The following PSD variants were observed in gnomAD, a reference collection of about 807,000 sequenced individuals.
PSD encodes the protein PH and SEC7 domain-containing protein 1.
A neutral mutation model predicts 91.6 loss-of-function variants in PSD; 32 were observed. The observed-to-expected ratio is 0.35, with a 90% confidence interval of 0.26 to 0.47. The LOEUF is 0.47. Ranked by LOEUF, PSD falls within the 20% of genes least tolerant of loss-of-function variation. PSD has a pLI of 1.00. For synonymous variants in PSD, 532 were observed against 569.3 expected, an observed-to-expected ratio of 0.93 and a Z score of 0.93; for missense variants, 1,099 against 1,373.9, an observed-to-expected ratio of 0.80 and a Z score of 3.16.
rs537366056 is a variant in PSD, at chr10:102,414,069, G to T, written c.1253C>A (p.Thr418Asn). ...CAGCGAGGCGAGGCTGGTATAGGAGGTGCCTTTGGCCCGGTGTGACTCCAG... is the reference window on the plus strand; with the variant it reads ...CAGCGAGGCGAGGCTGGTATAGGAGTTGCCTTTGGCCCGGTGTGACTCCAG... ...AILESHRAKG[T>N]SYTSLASLEA... Residue 418 changes from threonine (T) to asparagine (N), a missense_variant, in exon 5 of 17, where the codon ACC becomes AAC. Thr to Asn is a moderately conservative substitution (Grantham distance 65). Around this residue, in one of 3 missense-constraint regions of PSD, gnomAD observed 631 missense variants for 728.8 expected, o/e 0.87. Transcript: ENST00000020673. The surrounding 1 kb of genome is among the most constrained non-coding windows in gnomAD (Gnocchi z 5.6). 11 of 1,614,138 alleles carry T rather than the reference G, an allele frequency of 6.8e-6. 1 individual carries two copies. The South Asian group carries it at 1.2e-4, about 18-fold the overall frequency.
rs1021839530 is a variant in PSD at position 102,414,273 on chromosome 10, C to G, written c.1125-76G>C. 1.1e-5 allele frequency: 14 copies of G among 1,314,990 alleles called. No individual in the cohort carries two copies. Among genetic ancestry groups the G allele is most frequent in the Non-Finnish European group, 1.5e-5 (14 of 945,854 alleles). The allele number at this position is 1,314,990 out of a possible 1,614,324, so 81.5% of individuals were successfully genotyped here. A position where few individuals can be genotyped will look rare whatever the true frequency, so the allele number is the denominator to read the frequency against. On this transcript the variant is annotated intron_variant, in intron 4 of 16. Transcript: ENST00000020673. This position sits in a 1 kb window ranked among gnomAD's most constrained non-coding sequence, Gnocchi z 5.6. ...GGCAGGATTTCACTGAACTCTCACA[C>G]TGACTCTGCTAAGGGGATTATCATC...
rs200656520 is a variant in PSD at position 102,405,336 on chromosome 10, G to A, written c.2326+10C>T. 319 of 1,608,706 alleles carry A rather than the reference G, an allele frequency of 2.0e-4. 1 individual carries two copies. The highest frequency in any genetic ancestry group is 8.7e-4 in the South Asian group (79 of 91,034). ...CCTAGACGCCCGCCCCCCGCAACTC[G>A]GCCACATACTCTTCCTGCAGTCAGG... On this transcript the variant is annotated intron_variant, in intron 12 of 16. Coordinates refer to ENST00000020673, the MANE Select transcript of PSD (RefSeq NM_002779.5). This position sits in a 1 kb window ranked among gnomAD's most constrained non-coding sequence, Gnocchi z 5.4.
Position 102,403,926 on chromosome 10 carries a change from C to T in PSD, c.2760G>A (p.Glu920=), listed in dbSNP as rs1319297496. 6.3e-7 allele frequency: 1 copy of T among 1,589,968 alleles called. No homozygotes were observed. The highest frequency in any genetic ancestry group is 1.3e-5 in the African/African-American group (1 of 74,712). Reference sequence around the variant, plus strand: ...TCTTGCCCAGCTGGGCGGCCCGGTGCTCCCGCAGCTCACTTGCCATGGCCT... The same window carrying T: ...TCTTGCCCAGCTGGGCGGCCCGGTGTTCCCGCAGCTCACTTGCCATGGCCT... ...KLKAMASELR[E]HRAAQLGKKG... The change falls in exon 16 of 17, where the codon GAG becomes GAA. Residue 920 remains glutamate, a synonymous_variant. Coordinates refer to ENST00000020673, the MANE Select transcript of PSD (RefSeq NM_002779.5). The surrounding 1 kb of genome is among the most constrained non-coding windows in gnomAD (Gnocchi z 6.7).
At position 102,409,345 on chromosome 10, in the gene PSD, G is replaced by T; in HGVS notation, c.2091+1513C>A. On this transcript the variant is annotated intron_variant, in intron 10 of 16. Transcript: ENST00000020673. The surrounding 1 kb of genome is among the most constrained non-coding windows in gnomAD (Gnocchi z 5.7). ...AGGGCGAGGGCTGGGGGCGGGGACC[G>T]CATGAAATGGAGGCGCCCGATCGCG... 1 of 985,198 alleles carries T rather than the reference G, an allele frequency of 1.0e-6. No homozygotes were observed. The highest frequency in any genetic ancestry group is 1.2e-6 in the Non-Finnish European group (1 of 829,638). 61.0% of individuals were successfully genotyped at this position (985,198 alleles called of 1,614,324 possible). A position where few individuals can be genotyped will look rare whatever the true frequency, so the allele number is the denominator to read the frequency against.
rs2061407294 is a variant in PSD, at chr10:102,409,937, A to C, written c.2091+921T>G. Among the ~76,000 whole-genome samples, 1 of 152,164 alleles carries C rather than the reference A, an allele frequency of 6.6e-6. No homozygotes were observed. The highest frequency in any genetic ancestry group is 2.4e-5 in the African/African-American group (1 of 41,418). Reference sequence around the variant, plus strand: ...CTCTGAATCGTAAGCCCTAAAGCACAAACACACCAAGCCATACAAACCCTT... The same window carrying C: ...CTCTGAATCGTAAGCCCTAAAGCACCAACACACCAAGCCATACAAACCCTT... On this transcript the variant is annotated intron_variant, in intron 10 of 16. Transcript: ENST00000020673. The surrounding 1 kb of genome is among the most constrained non-coding windows in gnomAD (Gnocchi z 5.7).
Position 102,412,483 on chromosome 10 carries a change from T to C in PSD, c.1646A>G (p.Asn549Ser), listed in dbSNP as rs774140650. The stretch of plus-strand genomic sequence containing the variant: ...AGCCTCCAGGTCCGCTTTCTGCCCA[T>C]TGGACAAGGTGTCTGTGCTTCCCAG... ...LALGSTDTLS[N>S]GQKADLEAAQ... The change falls in exon 6 of 17, where the codon AAT becomes AGT. Residue 549 changes from asparagine to serine, a missense_variant. By Grantham distance (46) the Asn-to-Ser change is conservative. Around this residue, in one of 3 missense-constraint regions of PSD, gnomAD observed 110 missense variants for 218.7 expected, o/e 0.50. Coordinates refer to ENST00000020673, the MANE Select transcript of PSD (RefSeq NM_002779.5). 6.2e-7 allele frequency: 1 copy of C among 1,613,972 alleles called. No individual in the cohort carries two copies. The highest frequency in any genetic ancestry group is 1.3e-5 in the African/African-American group (1 of 74,918).
At chr10:102,406,508 CTT>C (rs1192531225) in intron 11 of PSD, among the ~76,000 whole-genome samples, 10 of 140,074 alleles carry the variant, frequency 7.1e-5, no homozygotes, top group Admixed American at 1.4e-4. Flanking sequence ...TTTCTTTTTT[CTT>C]TTTTTTTTTT....
chr10:102,411,349 C>T (rs2135456292), intron 8 of PSD, among the ~76,000 whole-genome samples: 1 of 152,100 alleles, frequency 6.6e-6, no homozygotes, highest in South Asian at 2.1e-4. Flanking sequence ...TACTAGTTGC[C>T]CCAACGTTCC....
At chr10:102,406,462 C>G (rs1439300663) in intron 11 of PSD, among the ~76,000 whole-genome samples, 2 of 152,070 alleles carry the variant, frequency 1.3e-5, no homozygotes, top group Non-Finnish European at 2.9e-5. Flanking sequence ...GACTAGAAGA[C>G]TAGACTCTTC....
chr10:102,415,473 T>TATTC (rs1388834984), intron 3 of PSD, among the ~76,000 whole-genome samples: 1 of 152,180 alleles, frequency 6.6e-6, no homozygotes, highest in Non-Finnish European at 1.5e-5. Flanking sequence ...CTTTTTTATT[T>TATTC]ATTTATTTAT....
At position 102,410,788 on chromosome 10, in the gene PSD, C is replaced by A. The variant is rs926308766; in HGVS notation, c.2091+70G>T. On this transcript the variant is annotated intron_variant, in intron 10 of 16. Coordinates refer to ENST00000020673, the MANE Select transcript of PSD (RefSeq NM_002779.5). This position sits in a 1 kb window ranked among gnomAD's most constrained non-coding sequence, Gnocchi z 6.0. ...CCCCAGCCCTGCCCTCCCTCCGACT[C>A]TGGACTCCGTCGCCGACTGGGTCCT... is the stretch of plus-strand genomic sequence containing the variant. The A allele has an allele frequency of 5.8e-6, 7 of 1,216,114 alleles. No individual in the cohort carries two copies. The African/African-American group carries it at 8.9e-5, about 16-fold the overall frequency. The allele number at this position is 1,216,114 out of a possible 1,614,324, so 75.3% of individuals were successfully genotyped here.
rs1424934181 is a variant in PSD at position 102,409,040 on chromosome 10, G to A, written c.2092-1774C>T. 3 of 986,106 alleles carry A rather than the reference G, an allele frequency of 3.0e-6. No homozygotes were observed. The highest frequency in any genetic ancestry group is 3.6e-6 in the Non-Finnish European group (3 of 829,988). 61.1% of individuals were successfully genotyped at this position (986,106 alleles called of 1,614,324 possible). A position where few individuals can be genotyped will look rare whatever the true frequency, so the allele number is the denominator to read the frequency against. ...GCGCCCGTAGCGCACGGAGCACAGC[G>A]AGCGCGAGCGCAGCCGCCCGGCGCT... On this transcript the variant is annotated intron_variant, in intron 10 of 16. Transcript: ENST00000020673. This position sits in a 1 kb window ranked among gnomAD's most constrained non-coding sequence, Gnocchi z 5.7.
In PSD at chr10:102,409,198, G is replaced by A; in HGVS notation, c.2091+1660C>T. The A allele has an allele frequency of 1.0e-6, 1 of 981,988 alleles. No individual in the cohort carries two copies. Among genetic ancestry groups the A allele is most frequent in the Non-Finnish European group, 1.2e-6 (1 of 828,670 alleles). The allele number at this position is 981,988 out of a possible 1,614,324, so 60.8% of individuals were successfully genotyped here. Reference sequence around the variant, plus strand: ...ACCGCTCCCCCGACAGCCAGCGCGAGCGGCGCGGCCCGGCCCGAGCCGGCC... The same window carrying A: ...ACCGCTCCCCCGACAGCCAGCGCGAACGGCGCGGCCCGGCCCGAGCCGGCC... On this transcript the variant is annotated intron_variant, in intron 10 of 16. Transcript: ENST00000020673. This position sits in a 1 kb window ranked among gnomAD's most constrained non-coding sequence, Gnocchi z 5.7.
upstream of PSD, chr10:102,418,814 T>TCC: frequency 7.7e-6 from 2 of 258,126 alleles, no homozygotes; most frequent in Non-Finnish European, 1.5e-5. Context: ...TCTCAGTCCC[T>TCC]CCCCCTACCC....
chr10:102,405,389 C>A lies in PSD; in HGVS notation c.2283G>T (p.Gly761=), dbSNP rs137901601. 1.2e-6 allele frequency: 2 copies of A among 1,613,740 alleles called. No homozygotes were observed. The highest frequency in any genetic ancestry group is 1.7e-6 in the Non-Finnish European group (2 of 1,180,016). ...CTGCGTGCACCTTTCGCACCAGGGCCCCGTGCTTGTAGACGGCAGCCCCAG... is the reference window on the plus strand; with the variant it reads ...CTGCGTGCACCTTTCGCACCAGGGCACCGTGCTTGTAGACGGCAGCCCCAG... The part of the protein sequence containing the change: ...PEPGAAVYKH[G]ALVRKVHADP... The change falls in exon 12 of 17, where the codon GGG becomes GGT. Residue 761 remains glycine, a synonymous_variant. Transcript: ENST00000020673. The surrounding 1 kb of genome is among the most constrained non-coding windows in gnomAD (Gnocchi z 5.4).
At position 102,404,604 on chromosome 10, in the gene PSD, G is replaced by A. The variant is rs377143886; in HGVS notation, c.2679C>T (p.Ser893=). The A allele has an allele frequency of 1.6e-5, 26 of 1,610,532 alleles. No individual in the cohort carries two copies. Among genetic ancestry groups the A allele is most frequent in the Middle Eastern group, 1.6e-4 (1 of 6,072 alleles). Reference sequence around the variant, plus strand: ...CTACCTGGGAGAGGCGGGTGGCAGCGCTGGGCAGGAGAGGGCGGCTGAACT... The same window carrying A: ...CTACCTGGGAGAGGCGGGTGGCAGCACTGGGCAGGAGAGGGCGGCTGAACT... ...QKKFSRPLLP[S]AATRLSQEEQ... is the part of the protein sequence containing the mutation. The change falls in exon 15 of 17, where the codon AGC becomes AGT. Residue 893 remains serine, a synonymous_variant. Coordinates refer to ENST00000020673, the MANE Select transcript of PSD (RefSeq NM_002779.5). This position sits in a 1 kb window ranked among gnomAD's most constrained non-coding sequence, Gnocchi z 5.7.
chr10:102,408,885 A>T, intron 10 of PSD: 1 of 986,842 alleles, frequency 1.0e-6, no homozygotes, highest in Non-Finnish European at 1.2e-6. Flanking sequence ...CGCGGCCCCA[A>T]CGCCCTCACC....
chr10:102,408,346 G>A (rs1014550566), intron 10 of PSD, among the ~76,000 whole-genome samples: 8 of 152,168 alleles, frequency 5.3e-5, no homozygotes, highest in African/African-American at 1.7e-4. Context: ...AGGCAAACCA[G>A]GCATCCCAAC....
Position 102,417,022 on chromosome 10 carries a change from A to T in PSD, c.17T>A (p.Met6Lys). 6.5e-7 allele frequency: 1 copy of T among 1,549,062 alleles called. No individual in the cohort carries two copies. The highest frequency in any genetic ancestry group is 8.7e-7 in the Non-Finnish European group (1 of 1,154,700). Residue 6 changes from methionine (M) to lysine (K), a missense_variant, in exon 2 of 17, where the codon ATG becomes AAG. Met to Lys is a moderately conservative substitution (Grantham distance 95). This residue lies in a region of PSD where 631 missense variants were observed against 728.8 expected (regional missense o/e 0.87). Transcript: ENST00000020673. ...ACAGTCGCCTTCCGAGCAGAAGCGC[A>T]TGGCACCCTGGGCCATGCTGGGGCC... MAQGA[M>K]RFCSEGDCAI...
Sources: gnomAD v4.1 joint callset for allele counts (sites outside exome capture counted in the v4.1 genomes callset) on GRCh38, gnomAD v4.1.1 for gene constraint, gnomAD v4.1.1 regional missense constraint, Gnocchi (gnomAD v3.1) non-coding constraint, MANE v1.5 for transcripts, NCBI Gene and HGNC (gene_info 2026-07-23, HGNC 2026-07-21) for gene names.